ERBB4: variants seen among roughly 807,000 people sequenced by gnomAD.
The protein encoded by ERBB4 is erb-b2 receptor tyrosine kinase 4.
Under a neutral mutation model 158.0 loss-of-function variants are expected in ERBB4, and 42 were observed. The observed-to-expected ratio is 0.27, with a 90% CI of 0.21 to 0.34. The LOEUF (loss-of-function observed/expected upper bound fraction) is 0.34, where lower values mean the gene tolerates loss of function less well. ERBB4 is among the 10% of genes least tolerant of loss of function. The probability of loss-of-function intolerance (pLI) is 1.00; values close to 1 mark genes in which losing one functional copy is unlikely to be tolerated. For missense variants in ERBB4, 1,333 were observed against 1,624.1 expected (o/e 0.82, Z 3.08); for synonymous variants, 583 against 558.7 (o/e 1.04, Z -0.61).
intron 1 of ERBB4, among the ~76,000 whole-genome samples, chr2:212,374,069 CA>C (rs2090231689): frequency 1.3e-5 from 1 of 77,538 alleles, no homozygotes; most frequent in Non-Finnish European, 2.4e-5. Context: ...CATATATATC[CA>C]TATATATATC....
At chr2:212,428,279 A>C (rs2091958171) in intron 1 of ERBB4, among the ~76,000 whole-genome samples, 1 of 152,174 alleles carries the variant, frequency 6.6e-6, no homozygotes, top group Non-Finnish European at 1.5e-5. Flanking sequence ...TGGTTGGAAC[A>C]ATGCTTTAAT....
intron 1 of ERBB4, among the ~76,000 whole-genome samples, chr2:212,173,850 GA>G (rs1444511597): frequency 3.3e-5 from 5 of 152,088 alleles, no homozygotes; most frequent in Non-Finnish European, 7.4e-5. Flanking sequence ...AGAGATAAAA[GA>G]AAAGGACTAC....
chr2:211,852,006 T>G (rs1219657690), intron 3 of ERBB4, among the ~76,000 whole-genome samples: 1 of 151,952 alleles, frequency 6.6e-6, no homozygotes, highest in Non-Finnish European at 1.5e-5. Flanking sequence ...AATAAAAATA[T>G]TAACAAGCTT....
chr2:211,889,151 C>T (rs1406906441), intron 3 of ERBB4, among the ~76,000 whole-genome samples: 1 of 143,746 alleles, frequency 7.0e-6, no homozygotes, highest in Admixed American at 6.7e-5. Flanking sequence ...GTGTCCCTGT[C>T]TGACAGCTTT....
rs546043207 is a variant in ERBB4, at chr2:211,745,312, A to T, written c.622+5327T>A. ...TAAATTCTAAAATTGTGATCTTACA[A>T]TAAGTATATTTTTGAGTAGTTCCAA... is the stretch of plus-strand genomic sequence containing the variant. On this transcript the variant is annotated intron_variant, in intron 5 of 27. Transcript: ENST00000342788. 2.6e-5 allele frequency among the ~76,000 whole-genome samples: 4 copies of T among 152,352 alleles called. No homozygotes were observed. The East Asian group carries it at 7.7e-4, about 29-fold the overall frequency.
chr2:212,488,237 A>G (rs1386156751), intron 1 of ERBB4, among the ~76,000 whole-genome samples: 2 of 148,592 alleles, frequency 1.3e-5, no homozygotes, highest in African/African-American at 5.0e-5. Context: ...ACCATTTGCA[A>G]CTCCTCTCTT....
rs139693984 is a variant in ERBB4, at chr2:212,136,659, C to A, written c.83-11756G>T. ...GAGTATGCTTGCAGTGGTGAGCTTGCATAATTGTAAACAGAAGCTCTGGTT... is the reference window on the plus strand; with the variant it reads ...GAGTATGCTTGCAGTGGTGAGCTTGAATAATTGTAAACAGAAGCTCTGGTT... On this transcript the variant is annotated intron_variant, in intron 1 of 27. Coordinates refer to ENST00000342788, the MANE Select transcript of ERBB4 (RefSeq NM_005235.3). 1.7e-3 allele frequency among the ~76,000 whole-genome samples: 258 copies of A among 152,264 alleles called. 1 individual carries two copies. The highest frequency in any genetic ancestry group is 5.8e-3 in the African/African-American group (240 of 41,552).
intron 1 of ERBB4, among the ~76,000 whole-genome samples, chr2:212,302,123 G>C (rs972061548): frequency 2.0e-5 from 3 of 151,304 alleles, no homozygotes; most frequent in Admixed American, 2.0e-4. Flanking sequence ...CTAGACATGT[G>C]ATCTTGGGCA....
intron 13 of ERBB4, among the ~76,000 whole-genome samples, chr2:211,674,174 C>T (rs1032893210): frequency 6.6e-6 from 1 of 152,020 alleles, no homozygotes; most frequent in Non-Finnish European, 1.5e-5. Context: ...ATTTAAAATG[C>T]CATTTACAAA....
rs1219505901 is a variant in ERBB4 at position 211,420,624 on chromosome 2, T to C, written c.2965-13A>G. ...TACGATCATCACCCTAAAAGAAAGA[T>C]TGCCCATCAGACACAAATATGATTC... On this transcript the variant is annotated splice_polypyrimidine_tract_variant and intron_variant, in intron 24 of 27. Transcript: ENST00000342788. 4 of 1,602,206 alleles carry C rather than the reference T, an allele frequency of 2.5e-6. No homozygotes were observed.
intron 22 of ERBB4, among the ~76,000 whole-genome samples, chr2:211,427,378 A>AACTT (rs1559157014): frequency 6.6e-6 from 1 of 152,120 alleles, no homozygotes; most frequent in Non-Finnish European, 1.5e-5. Flanking sequence ...GATATATTTA[A>AACTT]ACTTAGAAAC....
chr2:212,465,323 T>C (rs150181846), intron 1 of ERBB4, among the ~76,000 whole-genome samples: 44 of 152,222 alleles, frequency 2.9e-4, no homozygotes, highest in African/African-American at 9.9e-4. Context: ...CTAAGTTTGA[T>C]TTTACTTAAA....
intron 1 of ERBB4, among the ~76,000 whole-genome samples, chr2:212,317,384 G>A (rs968039556): frequency 6.6e-6 from 1 of 151,356 alleles, no homozygotes; most frequent in African/African-American, 2.4e-5. Flanking sequence ...CTAAATTCCA[G>A]TCATCACCTA....
chr2:211,898,967 C>T (rs1045021655), intron 3 of ERBB4, among the ~76,000 whole-genome samples: 1 of 152,112 alleles, frequency 6.6e-6, no homozygotes, highest in Non-Finnish European at 1.5e-5. Flanking sequence ...ATTTCCTTCT[C>T]CTATGTTGCA....
At chr2:212,349,820 C>T (rs2106338233) in intron 1 of ERBB4, among the ~76,000 whole-genome samples, 1 of 152,086 alleles carries the variant, frequency 6.6e-6, no homozygotes, top group South Asian at 2.1e-4. Context: ...CTTATAGTTG[C>T]TCTAGGAAAT....
intron 20 of ERBB4, among the ~76,000 whole-genome samples, chr2:211,497,531 G>A (rs2065499710): frequency 6.6e-6 from 1 of 152,060 alleles, no homozygotes; most frequent in Non-Finnish European, 1.5e-5. Flanking sequence ...ATGAATAAGG[G>A]CATCACTTAC....
At chr2:212,517,120 G>T (rs1460951309) in intron 1 of ERBB4, among the ~76,000 whole-genome samples, 2 of 152,094 alleles carry the variant, frequency 1.3e-5, no homozygotes. Flanking sequence ...CAAACATTTT[G>T]AAATTTTCAT....
intron 20 of ERBB4, among the ~76,000 whole-genome samples, chr2:211,558,228 T>C (rs1201079759): frequency 6.6e-6 from 1 of 152,204 alleles, no homozygotes; most frequent in African/African-American, 2.4e-5. Context: ...GTATTTCTTC[T>C]GGAGATTCTA....
intron 5 of ERBB4, among the ~76,000 whole-genome samples, chr2:211,727,565 A>G (rs1340070930): frequency 1.4e-4 from 22 of 152,088 alleles, no homozygotes; most frequent in Non-Finnish European, 8.8e-5. Context: ...AGGTGTATAG[A>G]GTTAAAGAGA....
Sources: allele counts gnomAD v4.1 joint callset (sites outside exome capture counted in the v4.1 genomes callset), GRCh38; gene constraint gnomAD v4.1.1; transcripts MANE v1.5; gene names NCBI Gene and HGNC (gene_info 2026-07-23, HGNC 2026-07-21).